The following ZBBX variants were observed in gnomAD, a reference collection of about 807,000 sequenced individuals.
The protein encoded by ZBBX is zinc finger B-box domain containing, also known as zinc finger B-box domain-containing protein 1.
In ZBBX, 101 loss-of-function variants were observed where a neutral mutation model predicts 108.5. The observed-to-expected ratio is 0.93, with a 90% confidence interval of 0.79 to 1.10. The LOEUF is 1.10. Ranked by LOEUF, ZBBX falls within the 50% of genes least tolerant of loss-of-function variation. The pLI is 0.00. For missense variants in ZBBX, 1,009 were observed against 941.4 expected (o/e 1.07, Z -0.94); for synonymous variants, 356 against 323.4 (o/e 1.10, Z -1.08).
chr3:167,374,573 C>A (rs942754538), intron 2 of ZBBX, among the ~76,000 whole-genome samples: 1 of 152,136 alleles, frequency 6.6e-6, no homozygotes, highest in Admixed American at 6.6e-5. Context: ...TATGTGTGTG[C>A]TCATAACCAC....
chr3:167,253,004 C>T (rs528692752), intron 20 of ZBBX, among the ~76,000 whole-genome samples: 2 of 152,272 alleles, frequency 1.3e-5, no homozygotes, highest in African/African-American at 4.8e-5. Flanking sequence ...TAACAATTAT[C>T]TCTAGGAAGA....
At chr3:167,269,769 G>C (rs1361065101) in intron 20 of ZBBX, among the ~76,000 whole-genome samples, 2 of 152,150 alleles carry the variant, frequency 1.3e-5, no homozygotes, top group African/African-American at 4.8e-5. Flanking sequence ...CAACCAAATA[G>C]TACCAACTAT....
chr3:167,181,094 A>G, the ZBBX span, among the ~76,000 whole-genome samples: 1 of 152,170 alleles, frequency 6.6e-6, no homozygotes, highest in African/African-American at 2.4e-5. Flanking sequence ...TTTTAAAGGT[A>G]TAGGTTCTGG....
At chr3:167,279,905 T>G (rs367816282) in intron 20 of ZBBX, among the ~76,000 whole-genome samples, 41 of 151,656 alleles carry the variant, frequency 2.7e-4, no homozygotes, top group South Asian at 1.5e-3. Context: ...CAGAGATATA[T>G]ATCAATGGAA....
chr3:167,204,195 TTTC>T, the ZBBX span, among the ~76,000 whole-genome samples: 11 of 132,914 alleles, frequency 8.3e-5, no homozygotes, highest in South Asian at 6.9e-4. Flanking sequence ...ATTTTCTTTT[TTTC>T]TTTTTTTTTT....
At chr3:167,346,310 C>A (rs996659835) in intron 9 of ZBBX, among the ~76,000 whole-genome samples, 6 of 151,834 alleles carry the variant, frequency 4.0e-5, no homozygotes, top group Non-Finnish European at 8.8e-5. Context: ...TGAATCACTG[C>A]CAAGTACAAA....
chr3:167,352,253 A>C (rs1577069678), intron 8 of ZBBX, among the ~76,000 whole-genome samples: 1 of 152,140 alleles, frequency 6.6e-6, no homozygotes, highest in African/African-American at 2.4e-5. Context: ...CTAGATTAAG[A>C]AAAATGAGAG....
At chr3:167,199,897 G>C in the ZBBX span, among the ~76,000 whole-genome samples, 2 of 152,098 alleles carry the variant, frequency 1.3e-5, no homozygotes, top group East Asian at 1.9e-4. Context: ...CACAGCTCTG[G>C]AGATTTAAAA....
the ZBBX span, among the ~76,000 whole-genome samples, chr3:167,199,775 G>T: frequency 6.6e-6 from 1 of 152,232 alleles, no homozygotes; most frequent in East Asian, 1.9e-4. Context: ...CCTCCATAGG[G>T]TTTACAGATT....
chr3:167,202,902 C>T, the ZBBX span, among the ~76,000 whole-genome samples: 1 of 152,036 alleles, frequency 6.6e-6, no homozygotes, highest in African/African-American at 2.4e-5. Context: ...GTTCTTCTAG[C>T]AAACAGGTAC....
chr3:167,310,839 G>T (rs1734453122), intron 16 of ZBBX, among the ~76,000 whole-genome samples: 2 of 152,112 alleles, frequency 1.3e-5, no homozygotes, highest in Admixed American at 6.6e-5. Context: ...TCTGATTAAA[G>T]AAATCAAAAT....
chr3:167,286,519 A>G (rs953481445), intron 19 of ZBBX, among the ~76,000 whole-genome samples: 1 of 152,162 alleles, frequency 6.6e-6, no homozygotes, highest in African/African-American at 2.4e-5. Flanking sequence ...AATGAATTAT[A>G]GCAACATGAT....
Position 167,269,060 on chromosome 3 carries a change from C to G in ZBBX, c.2254+13178G>C, listed in dbSNP as rs963038692. 2.0e-5 allele frequency among the ~76,000 whole-genome samples: 3 copies of G among 152,292 alleles called. No homozygotes were observed. In the East Asian group the frequency reaches 5.8e-4, roughly 29 times the overall value. On this transcript the variant is annotated intron_variant, in intron 20 of 21. Transcript: ENST00000675490. ...CAGGCCACTTCAAAAGAGAATGTCCCAAATTACAAAGGGAGAGACAAGCCC... is the reference window on the plus strand; with the variant it reads ...CAGGCCACTTCAAAAGAGAATGTCCGAAATTACAAAGGGAGAGACAAGCCC...
intron 20 of ZBBX, among the ~76,000 whole-genome samples, chr3:167,248,970 A>T (rs1180086382): frequency 2.6e-5 from 4 of 152,156 alleles, no homozygotes; most frequent in Non-Finnish European, 5.9e-5. Flanking sequence ...TCATTTTCTG[A>T]GTCTTTGTTG....
intron 8 of ZBBX, among the ~76,000 whole-genome samples, chr3:167,359,332 G>A (rs528580897): frequency 1.6e-4 from 24 of 152,198 alleles, no homozygotes; most frequent in African/African-American, 5.5e-4. Context: ...CAGGGTAAAG[G>A]TAATCTTCTA....
In ZBBX at chr3:167,293,856, A is replaced by G. The variant is rs542352656; in HGVS notation, c.1879+4449T>C. Reference sequence around the variant, plus strand: ...AGCAACTTCAGCAAAGTCTCAGGATACAAAATCAATGTGCAAAAATCACAA... The same window carrying G: ...AGCAACTTCAGCAAAGTCTCAGGATGCAAAATCAATGTGCAAAAATCACAA... On this transcript the variant is annotated intron_variant, in intron 18 of 21. Transcript: ENST00000675490. Among the ~76,000 whole-genome samples, 11 of 152,346 alleles carry G rather than the reference A, an allele frequency of 7.2e-5. No homozygotes were observed. The South Asian group carries it at 8.3e-4, about 11-fold the overall frequency.
upstream of ZBBX, among the ~76,000 whole-genome samples, chr3:167,381,678 C>T (rs899932134): frequency 5.9e-5 from 9 of 152,116 alleles, no homozygotes; most frequent in African/African-American, 1.9e-4. Flanking sequence ...TTTCAGCTTT[C>T]GTCCATTTAC....
At chr3:167,348,373 A>AAGAAGAAAG (rs1553833149) in intron 9 of ZBBX, among the ~76,000 whole-genome samples, 1 of 139,652 alleles carries the variant, frequency 7.2e-6, no homozygotes, top group African/African-American at 2.7e-5. Context: ...AGAAAGAAAA[A>AAGAAGAAAG]AAAGAAAAGA....
chr3:167,375,506 C>T (rs1430532452), intron 2 of ZBBX, among the ~76,000 whole-genome samples: 1 of 152,030 alleles, frequency 6.6e-6, no homozygotes, highest in Non-Finnish European at 1.5e-5. Flanking sequence ...GCACGAGAAT[C>T]GCTTGAACCC....
Sources: allele counts gnomAD v4.1 joint callset (sites outside exome capture counted in the v4.1 genomes callset), GRCh38; gene constraint gnomAD v4.1.1; transcripts MANE v1.5; gene names NCBI Gene and HGNC (gene_info 2026-07-23, HGNC 2026-07-21).